Variants in CALM3 observed in about 807,000 individuals in gnomAD.
The protein encoded by CALM3 is calmodulin 3.
CALM3 carries 5 observed loss-of-function variants against 20.1 expected under a neutral mutation model. The observed-to-expected ratio is 0.25, with a 90% CI of 0.13 to 0.52. The LOEUF is 0.52. Ranked by LOEUF, CALM3 falls within the 20% of genes least tolerant of loss-of-function variation. The pLI is 0.96. For synonymous variants in CALM3, 69 were observed against 68.1 expected, an observed-to-expected ratio of 1.01 and a Z score of -0.06; for missense variants, 57 against 192.8, an observed-to-expected ratio of 0.30 and a Z score of 4.17.
Position 46,608,046 on chromosome 19 carries a change from G to T in CALM3, c.35-151G>T. The T allele has an allele frequency of 1.5e-6, 1 of 687,884 alleles. No homozygotes were observed. Among genetic ancestry groups the T allele is most frequent in the Non-Finnish European group, 2.5e-6 (1 of 400,824 alleles). 42.6% of individuals were successfully genotyped at this position (687,884 alleles called of 1,614,324 possible). A position where few individuals can be genotyped will look rare whatever the true frequency, so the allele number is the denominator to read the frequency against. ...CTTTGCCCTGAGCACTGAGGAGAGA[G>T]AGCTGGTTGCGTGGGACTTGAAGTC... On this transcript the variant is annotated intron_variant, in intron 2 of 5. Transcript: ENST00000291295. The surrounding 1 kb of genome is among the most constrained non-coding windows in gnomAD (Gnocchi z 5.5).
chr19:46,602,154 C>G (rs968110050), intron 1 of CALM3: 1 of 1,342,580 alleles, frequency 7.4e-7, no homozygotes, highest in Admixed American at 2.1e-5. Context: ...AGAAGATACT[C>G]TTGAAGGCTT....
intron 2 of CALM3, among the ~76,000 whole-genome samples, chr19:46,606,972 A>G (rs1971755825): frequency 6.6e-6 from 1 of 152,182 alleles, no homozygotes; most frequent in African/African-American, 2.4e-5. Context: ...GGTGGGAGGC[A>G]GGAACGGACT....
chr19:46,601,959 G>T lies in CALM3; in HGVS notation c.3+522G>T, dbSNP rs1359333246. 5.7e-6 allele frequency: 3 copies of T among 525,714 alleles called. No individual in the cohort carries two copies. Among genetic ancestry groups the T allele is most frequent in the Non-Finnish European group, 8.8e-6 (3 of 339,558 alleles). The allele number at this position is 525,714 out of a possible 1,614,324, so 32.6% of individuals were successfully genotyped here. A position where few individuals can be genotyped will look rare whatever the true frequency, so the allele number is the denominator to read the frequency against. On this transcript the variant is annotated intron_variant, in intron 1 of 5. Coordinates refer to ENST00000291295, the MANE Select transcript of CALM3 (RefSeq NM_005184.4). The surrounding 1 kb of genome is among the most constrained non-coding windows in gnomAD (Gnocchi z 4.2). ...TAGCTGGGCCCGGGCGGGGAGGGGC[G>T]ACCCCTGGGCTCCTGTGGAGCAGAG...
chr19:46,604,025 G>A (rs1029928716), intron 1 of CALM3, among the ~76,000 whole-genome samples: 4 of 152,200 alleles, frequency 2.6e-5, no homozygotes, highest in Non-Finnish European at 4.4e-5. Context: ...CGGAACAGTG[G>A]GCTGGGAAGG....
In CALM3 at chr19:46,610,570, C is replaced by T. The variant is rs1014989405; in HGVS notation, c.*1417C>T. On this transcript the variant is annotated 3_prime_UTR_variant, in exon 6 of 6. Coordinates refer to ENST00000291295, the MANE Select transcript of CALM3 (RefSeq NM_005184.4). ...AGCTTTGAGAATCTCTTCTCATCCA[C>T]CCTCTGGCACCCAGCCTCTGAGGGA... The T allele has an allele frequency of 4.6e-5, 7 of 151,488 alleles. No individual in the cohort carries two copies. Among genetic ancestry groups the T allele is most frequent in the Non-Finnish European group, 1.0e-4 (7 of 67,878 alleles). The allele number at this position is 151,488 out of a possible 1,614,324, so 9.4% of individuals were successfully genotyped here.
At position 46,601,503 on chromosome 19, in the gene CALM3, T is replaced by G. The variant is rs1277944814; in HGVS notation, c.3+66T>G. On this transcript the variant is annotated intron_variant, in intron 1 of 5. Coordinates refer to ENST00000291295, the MANE Select transcript of CALM3 (RefSeq NM_005184.4). This position sits in a 1 kb window ranked among gnomAD's most constrained non-coding sequence, Gnocchi z 4.2. ...GGCGGGCTTAACGGGGCAGGACCCCTGAGGGGGCGACAGAGCCCAGAGTGG... is the reference window on the plus strand; with the variant it reads ...GGCGGGCTTAACGGGGCAGGACCCCGGAGGGGGCGACAGAGCCCAGAGTGG... 5 of 1,358,700 alleles carry G rather than the reference T, an allele frequency of 3.7e-6. No homozygotes were observed. The African/African-American group carries it at 7.6e-5, about 21-fold the overall frequency. 84.2% of individuals were successfully genotyped at this position (1,358,700 alleles called of 1,614,324 possible).
intron 2 of CALM3, among the ~76,000 whole-genome samples, chr19:46,607,369 C>A (rs972350469): frequency 6.6e-6 from 1 of 152,230 alleles, no homozygotes; most frequent in Non-Finnish European, 1.5e-5. Flanking sequence ...CACCCCAGCC[C>A]ACACCCTCTG....
chr19:46,603,426 G>A (rs189684962), intron 1 of CALM3, among the ~76,000 whole-genome samples: 28 of 152,318 alleles, frequency 1.8e-4, no homozygotes, highest in South Asian at 1.7e-3. Context: ...TCCTTGGCCC[G>A]GGTGAGGGGC....
Position 46,601,953 on chromosome 19 carries a change from AG to A in CALM3, c.3+520del. On this transcript the variant is annotated intron_variant, in intron 1 of 5. Coordinates refer to ENST00000291295, the MANE Select transcript of CALM3 (RefSeq NM_005184.4). This position sits in a 1 kb window ranked among gnomAD's most constrained non-coding sequence, Gnocchi z 4.2. ...GGAGGGTAGCTGGGCCCGGGCGGGGAGGGGCGACCCCTGGGCTCCTGTGGAG... is the reference window on the plus strand; with the variant it reads ...GGAGGGTAGCTGGGCCCGGGCGGGGAGGGCGACCCCTGGGCTCCTGTGGAG... 1 of 418,184 alleles carries A rather than the reference AG, an allele frequency of 2.4e-6. No homozygotes were observed. The highest frequency in any genetic ancestry group is 3.7e-6 in the Non-Finnish European group (1 of 269,508). The allele number at this position is 418,184 out of a possible 1,614,324, so 25.9% of individuals were successfully genotyped here.
chr19:46,605,802 G>C lies in CALM3; in HGVS notation c.4-25G>C, dbSNP rs752528019. 6.2e-7 allele frequency: 1 copy of C among 1,613,814 alleles called. No homozygotes were observed. Among genetic ancestry groups the C allele is most frequent in the Non-Finnish European group, 8.5e-7 (1 of 1,179,768 alleles). ...GTCCGTGCTGTCCGGCCTGGTGACT[G>C]ACTTTCCCCTTCATGCTTTTACAGG... On this transcript the variant is annotated intron_variant, in intron 1 of 5. Coordinates refer to ENST00000291295, the MANE Select transcript of CALM3 (RefSeq NM_005184.4). This position sits in a 1 kb window ranked among gnomAD's most constrained non-coding sequence, Gnocchi z 4.1.
Position 46,608,728 on chromosome 19 carries a change from C to A in CALM3, c.286-118C>A. On this transcript the variant is annotated intron_variant, in intron 4 of 5. Transcript: ENST00000291295. The surrounding 1 kb of genome is among the most constrained non-coding windows in gnomAD (Gnocchi z 5.5). ...TCATTGCCAACCTGCTCTGCCACCT[C>A]AGGCAGCCTCCCTCACTGTGCTCAC... The A allele has an allele frequency of 7.5e-7, 1 of 1,325,476 alleles. No homozygotes were observed. Among genetic ancestry groups the A allele is most frequent in the Non-Finnish European group, 1.0e-6 (1 of 962,232 alleles). The allele number at this position is 1,325,476 out of a possible 1,614,324, so 82.1% of individuals were successfully genotyped here.
chr19:46,604,521 G>C (rs1266152315), intron 1 of CALM3, among the ~76,000 whole-genome samples: 1 of 150,716 alleles, frequency 6.6e-6, no homozygotes, highest in Non-Finnish European at 1.5e-5. Flanking sequence ...TGCCTATTTG[G>C]GGCTTGCAAG....
chr19:46,603,839 C>A (rs1043162590), intron 1 of CALM3, among the ~76,000 whole-genome samples: 1 of 152,186 alleles, frequency 6.6e-6, no homozygotes, highest in African/African-American at 2.4e-5. Flanking sequence ...AACCCTGTGA[C>A]AGAACTGAAC....
intron 1 of CALM3, among the ~76,000 whole-genome samples, chr19:46,604,865 T>G (rs1428020061): frequency 2.0e-5 from 3 of 152,096 alleles, no homozygotes. Context: ...TAAAGCTAAA[T>G]GTTGGGATTC....
At chr19:46,602,293 C>G (rs1971641530) in intron 1 of CALM3, 1 of 1,064,486 alleles carries the variant, frequency 9.4e-7, no homozygotes, top group Admixed American at 2.4e-5. Flanking sequence ...TCCGAGGTTA[C>G]TAGTGGGTTA....
In CALM3 at chr19:46,608,742, C is replaced by G; in HGVS notation, c.286-104C>G. 2 of 1,374,324 alleles carry G rather than the reference C, an allele frequency of 1.5e-6. No individual in the cohort carries two copies. Among genetic ancestry groups the G allele is most frequent in the Non-Finnish European group, 2.0e-6 (2 of 1,007,358 alleles). 85.1% of individuals were successfully genotyped at this position (1,374,324 alleles called of 1,614,324 possible). A position where few individuals can be genotyped will look rare whatever the true frequency, so the allele number is the denominator to read the frequency against. Reference sequence around the variant, plus strand: ...CTCTGCCACCTCAGGCAGCCTCCCTCACTGTGCTCACTGCTGAGGGATGGT... The same window carrying G: ...CTCTGCCACCTCAGGCAGCCTCCCTGACTGTGCTCACTGCTGAGGGATGGT... On this transcript the variant is annotated intron_variant, in intron 4 of 5. Coordinates refer to ENST00000291295, the MANE Select transcript of CALM3 (RefSeq NM_005184.4). The surrounding 1 kb of genome is among the most constrained non-coding windows in gnomAD (Gnocchi z 5.5).
chr19:46,601,133 C>T, upstream of CALM3: 2 of 716,222 alleles, frequency 2.8e-6, no homozygotes, highest in Non-Finnish European at 4.5e-6. The surrounding 1 kb of genome is among the most constrained non-coding windows in gnomAD (Gnocchi z 4.2). Flanking sequence ...GCGGCAAACC[C>T]AATTCCTGTG....
chr19:46,605,874 C>T lies in CALM3; in HGVS notation c.34+17C>T. ...AGATTGCAGGTGAGTCTGCTATCCCCCTCATCTTAGCTCAGGAAAGCCTCC... is the reference window on the plus strand; with the variant it reads ...AGATTGCAGGTGAGTCTGCTATCCCTCTCATCTTAGCTCAGGAAAGCCTCC... On this transcript the variant is annotated intron_variant, in intron 2 of 5. Transcript: ENST00000291295. This position sits in a 1 kb window ranked among gnomAD's most constrained non-coding sequence, Gnocchi z 4.1. 6.2e-7 allele frequency: 1 copy of T among 1,613,570 alleles called. No homozygotes were observed. Among genetic ancestry groups the T allele is most frequent in the Non-Finnish European group, 8.5e-7 (1 of 1,179,518 alleles).
chr19:46,605,239 G>A lies in CALM3; in HGVS notation c.4-588G>A, dbSNP rs1971717412. The A allele has an allele frequency of 6.5e-6, 1 of 152,744 alleles. No homozygotes were observed. The highest frequency in any genetic ancestry group is 1.5e-5 in the Non-Finnish European group (1 of 68,446). The allele number at this position is 152,744 out of a possible 1,614,324, so 9.5% of individuals were successfully genotyped here. ...AGTTCTTTAGGTGCTTGAGCAACTC[G>A]GGCCGCCGGTTAGGAGAATTTTTGC... is the stretch of plus-strand genomic sequence containing the variant. On this transcript the variant is annotated intron_variant, in intron 1 of 5. Transcript: ENST00000291295. The surrounding 1 kb of genome is among the most constrained non-coding windows in gnomAD (Gnocchi z 4.1).
Sources: gnomAD v4.1 joint callset for allele counts (sites outside exome capture counted in the v4.1 genomes callset) on GRCh38, gnomAD v4.1.1 for gene constraint, Gnocchi (gnomAD v3.1) non-coding constraint, MANE v1.5 for transcripts, NCBI Gene and HGNC (gene_info 2026-07-23, HGNC 2026-07-21) for gene names.